The following PRG4 variants were observed in gnomAD, a reference collection of about 807,000 sequenced individuals.
PRG4 encodes proteoglycan 4.
Under a neutral mutation model 91.2 loss-of-function variants are expected in PRG4, and 61 were observed. That is an observed-to-expected ratio of 0.67 (90% CI 0.54 to 0.83). The LOEUF is 0.83. Ranked by LOEUF, PRG4 falls within the 40% of genes least tolerant of loss-of-function variation. PRG4 has a pLI of 0.00. For missense variants in PRG4, 1,564 were observed against 1,714.2 expected, an observed-to-expected ratio of 0.91 and a Z score of 1.55; for synonymous variants, 576 against 614.2, an observed-to-expected ratio of 0.94 and a Z score of 0.92.
At position 186,304,853 on chromosome 1, in the gene PRG4, TCAA is replaced by T. The variant is rs1430251336; in HGVS notation, c.533_535del (p.Thr178del). ...CTCCTCCTCCTCTTCCTCTTCTTCT[TCAA>T]CAATTCGGAAAATCAAGTCTTCCAA... On this transcript the variant is annotated inframe_deletion, in exon 6 of 13. Coordinates refer to ENST00000445192, the MANE Select transcript of PRG4 (RefSeq NM_005807.6). 6.8e-6 allele frequency: 11 copies of T among 1,612,532 alleles called. No homozygotes were observed. The highest frequency in any genetic ancestry group is 1.3e-5 in the African/African-American group (1 of 74,812).
At position 186,307,421 on chromosome 1, in the gene PRG4, C is replaced by G; in HGVS notation, c.1702C>G (p.Pro568Ala). 6.3e-7 allele frequency: 1 copy of G among 1,581,746 alleles called. No individual in the cohort carries two copies. Among genetic ancestry groups the G allele is most frequent in the Non-Finnish European group, 8.6e-7 (1 of 1,166,116 alleles). ...KEPAPTTPKE[P>A]APTTPKKPAP... The stretch of plus-strand genomic sequence containing the variant: ...GCCTGCACCCACCACTCCCAAGGAG[C>G]CTGCACCCACCACCCCCAAGAAGCC... Residue 568 changes from proline to alanine, a missense_variant, in exon 7 of 13, where the codon CCT (proline) becomes GCT (alanine). Physicochemically the swap from Pro to Ala is conservative, Grantham distance 27. Transcript: ENST00000445192.
At chr1:186,297,096 T>C (rs1251226299) in intron 2 of PRG4, 145 bp downstream of exon 2, 2 of 716,546 alleles carry the variant, frequency 2.8e-6, no homozygotes, top group Non-Finnish European at 4.7e-6. Flanking sequence ...ATATATAACA[T>C]GTAGCCTGTT....
chr1:186,310,121 T>C (rs6679066), intron 8 of PRG4, among the ~76,000 whole-genome samples: 24,738 of 110,340 alleles, frequency 0.22, 2,725 homozygotes, highest in African/African-American at 0.35. Flanking sequence ...ATTTAAAAAG[T>C]AGTTCATTTT....
Position 186,308,821 on chromosome 1 carries a change from C to A in PRG4, c.3102C>A (p.Thr1034=), listed in dbSNP as rs148857683. The A allele has an allele frequency of 6.2e-7, 1 of 1,613,778 alleles. No homozygotes were observed. The highest frequency in any genetic ancestry group is 8.5e-7 in the Non-Finnish European group (1 of 1,179,952). Residue 1034 remains threonine, a synonymous_variant, in exon 7 of 13, where the codon ACC becomes ACA. Coordinates refer to ENST00000445192, the MANE Select transcript of PRG4 (RefSeq NM_005807.6). Reference sequence around the variant, plus strand: ...AAGCACCCAAAAAACCCACTTCTACCAAAAAGCCAAAAACAATGCCTAGAG... The same window carrying A: ...AAGCACCCAAAAAACCCACTTCTACAAAAAAGCCAAAAACAATGCCTAGAG... The part of the protein sequence containing the change: ...PTKAPKKPTS[T]KKPKTMPRVR...
Position 186,307,132 on chromosome 1 carries a change from C to CCCT in PRG4, c.1413_1414insCCT (p.Thr471_Lys472insPro), listed in dbSNP as rs1656674421. On this transcript the variant is annotated inframe_insertion, in exon 7 of 13. Transcript: ENST00000445192. ...CTCCCAAGGAGCCTGCACCCACCACCAAGGAGCCTGCACCCACCACTCCCA... is the reference window on the plus strand; with the variant it reads ...CTCCCAAGGAGCCTGCACCCACCACCCCTAAGGAGCCTGCACCCACCACTCCCA... The CCCT allele has an allele frequency of 6.3e-7, 1 of 1,583,470 alleles. No homozygotes were observed.
chr1:186,305,732 A>G (rs1461624255), intron 6 of PRG4, among the ~76,000 whole-genome samples: 2 of 152,096 alleles, frequency 1.3e-5, no homozygotes, highest in Non-Finnish European at 2.9e-5. Flanking sequence ...GCCTTGATAA[A>G]TACTGTCTTT....
intron 2 of PRG4, among the ~76,000 whole-genome samples, chr1:186,299,270 T>G (rs1175566113): frequency 1.3e-5 from 2 of 152,254 alleles, no homozygotes; most frequent in Non-Finnish European, 2.9e-5. Flanking sequence ...CCAGTTATTT[T>G]AAGGGTTCTC....
chr1:186,307,464 A>C lies in PRG4; in HGVS notation c.1745A>C (p.Lys582Thr). The C allele has an allele frequency of 6.4e-7, 1 of 1,561,704 alleles. No homozygotes were observed. Among genetic ancestry groups the C allele is most frequent in the Non-Finnish European group, 8.7e-7 (1 of 1,155,662 alleles). ...TPKKPAPTTP[K>T]EPAPTTPKEP... ...AAGAAGCCTGCCCCAACTACCCCCA[A>C]GGAGCCTGCACCCACCACTCCCAAG... Residue 582 changes from lysine (K) to threonine (T), a missense_variant, in exon 7 of 13, where the codon AAG becomes ACG. Lys to Thr is a moderately conservative substitution (Grantham distance 78). Transcript: ENST00000445192.
intron 6 of PRG4, among the ~76,000 whole-genome samples, chr1:186,305,262 T>C (rs1244360506): frequency 6.6e-6 from 1 of 152,224 alleles, no homozygotes; most frequent in Admixed American, 6.5e-5. Context: ...CATTTTCATT[T>C]TCCCTTCCCC....
chr1:186,311,093 GAA>G lies in PRG4; in HGVS notation c.3560_3561del (p.Glu1187GlyfsTer9). 6.2e-7 allele frequency: 1 copy of G among 1,613,652 alleles called. No homozygotes were observed. Among genetic ancestry groups the G allele is most frequent in the Middle Eastern group, 1.7e-4 (1 of 6,058 alleles). ...SPPSPARRIT[E>X]VWGIPSPIDT... ...ACCATCTCCAGCTCGCAGAATTACT[GAA>G]GTTTGGGGTATTCCTTCCCCCATTG... On this transcript the variant is annotated frameshift_variant, in exon 9 of 13. Coordinates refer to ENST00000445192, the MANE Select transcript of PRG4 (RefSeq NM_005807.6). LOFTEE classifies it high-confidence loss of function.
rs61566845 is a variant in PRG4 at position 186,309,707 on chromosome 1, T to G, written c.3422-86T>G. 3.7e-5 allele frequency: 37 copies of G among 1,010,834 alleles called. 1 individual carries two copies. The African/African-American group carries it at 5.1e-4, about 14-fold the overall frequency. The allele number at this position is 1,010,834 out of a possible 1,614,324, so 62.6% of individuals were successfully genotyped here. A position where few individuals can be genotyped will look rare whatever the true frequency, so the allele number is the denominator to read the frequency against. ...GATCTTAGAAAAGGTAAACAGGAAA[T>G]AGAACCATGTGGAAAGACTTGAAAA... On this transcript the variant is annotated intron_variant, in intron 7 of 12. Transcript: ENST00000445192.
chr1:186,301,451 G>A (rs2102011968), intron 3 of PRG4, 141 bp from the exon 4 acceptor site: 1 of 1,219,604 alleles, frequency 8.2e-7, no homozygotes, highest in Non-Finnish European at 1.2e-6. Flanking sequence ...TTTCCTGGAT[G>A]ATGTACTCCA....
intron 3 of PRG4, 26 bp from the exon 4 acceptor site, chr1:186,301,566 G>A (rs747964562): frequency 1.2e-6 from 2 of 1,613,408 alleles, no homozygotes; most frequent in Non-Finnish European, 1.7e-6. Flanking sequence ...TGAATAATCT[G>A]TAACTTCTTG....
rs763659707 is a variant in PRG4 at position 186,308,670 on chromosome 1, A to G, written c.2951A>G (p.Lys984Arg). 2 of 1,611,672 alleles carry G rather than the reference A, an allele frequency of 1.2e-6. No homozygotes were observed. The highest frequency in any genetic ancestry group is 2.7e-5 in the African/African-American group (2 of 74,748). The change falls in exon 7 of 13, where the codon AAA (lysine) becomes AGA (arginine). Residue 984 changes from lysine to arginine, a missense_variant. By Grantham distance (26) the Lys-to-Arg change is conservative (BLOSUM62 2). Around this residue, in one of 3 missense-constraint regions of PRG4, gnomAD observed 1,079 missense variants for 1,162.2 expected, o/e 0.93. Coordinates refer to ENST00000445192, the MANE Select transcript of PRG4 (RefSeq NM_005807.6). ...TTLKTTTLAPKVTTTKKTITT... is the reference protein window; with the variant it reads ...TTLKTTTLAPRVTTTKKTITT... ...CTTAAAACAACTACTCTTGCACCCAAAGTAACTACAACAAAAAAGACAATT... is the reference window on the plus strand; with the variant it reads ...CTTAAAACAACTACTCTTGCACCCAGAGTAACTACAACAAAAAAGACAATT...
Position 186,297,047 on chromosome 1 carries a change from T to C in PRG4, c.76+96T>C. ...ACGGAAATATATTTCTAAAAATTTA[T>C]ATTTGCTTGAGTTTAATATACTGTA... is the stretch of plus-strand genomic sequence containing the variant. On this transcript the variant is annotated intron_variant, in intron 2 of 12. Transcript: ENST00000445192. 4 of 1,138,172 alleles carry C rather than the reference T, an allele frequency of 3.5e-6. No homozygotes were observed. In the South Asian group the frequency reaches 5.2e-5, roughly 15 times the overall value. 70.5% of individuals were successfully genotyped at this position (1,138,172 alleles called of 1,614,324 possible).
Position 186,306,313 on chromosome 1 carries a change from TC to T in PRG4, c.599-3del. ...AAAATAACAAGATGTATATTTTTTC[TC>T]CAGTAAAAGATAACAAGAAGAACAG... is the stretch of plus-strand genomic sequence containing the variant. On this transcript the variant is annotated splice_polypyrimidine_tract_variant and splice_region_variant and intron_variant, in intron 6 of 12. Transcript: ENST00000445192. 1 of 1,566,396 alleles carries T rather than the reference TC, an allele frequency of 6.4e-7. No individual in the cohort carries two copies. The highest frequency in any genetic ancestry group is 1.2e-5 in the South Asian group (1 of 83,940).
intron 6 of PRG4, among the ~76,000 whole-genome samples, chr1:186,306,020 A>G (rs1410850515): frequency 6.6e-6 from 1 of 152,208 alleles, no homozygotes; most frequent in Non-Finnish European, 1.5e-5. Context: ...ACATTAATAT[A>G]AACAGATGAA....
intron 8 of PRG4, among the ~76,000 whole-genome samples, chr1:186,310,144 G>C (rs1381378514): frequency 1.6e-5 from 2 of 123,116 alleles, no homozygotes; most frequent in Non-Finnish European, 3.4e-5. Context: ...TTGGGGGGGG[G>C]GGGTAGTTAA....
At chr1:186,305,316 T>A (rs1376730180) in intron 6 of PRG4, among the ~76,000 whole-genome samples, 1 of 152,226 alleles carries the variant, frequency 6.6e-6, no homozygotes, top group African/African-American at 2.4e-5. Flanking sequence ...TTCTAAGTGT[T>A]TTACAAGTAT....
Sources: gnomAD v4.1 joint callset for allele counts (sites outside exome capture counted in the v4.1 genomes callset) on GRCh38, gnomAD v4.1.1 for gene constraint, gnomAD v4.1.1 regional missense constraint, MANE v1.5 for transcripts, NCBI Gene and HGNC (gene_info 2026-07-23, HGNC 2026-07-21) for gene names.